ATG10: variants seen among roughly 807,000 people sequenced by gnomAD.
ATG10 encodes the protein autophagy related 10, also known as ubiquitin-like-conjugating enzyme ATG10.
A neutral mutation model predicts 32.1 loss-of-function variants in ATG10; 30 were observed. That is an observed-to-expected ratio of 0.94 (90% confidence interval 0.70 to 1.27). The LOEUF (loss-of-function observed/expected upper bound fraction) is 1.27. ATG10 is among the 50% of genes most tolerant of loss of function. The probability of loss-of-function intolerance (pLI) is 0.00; values close to 1 mark genes in which losing one functional copy is unlikely to be tolerated. For synonymous variants in ATG10, 87 were observed against 91.5 expected, an observed-to-expected ratio of 0.95 and a Z score of 0.28; for missense variants, 233 against 262.3, an observed-to-expected ratio of 0.89 and a Z score of 0.77.
intron 3 of ATG10, among the ~76,000 whole-genome samples, chr5:82,138,545 G>T (rs1207136454): frequency 1.3e-5 from 2 of 151,996 alleles, no homozygotes; most frequent in Non-Finnish European, 2.9e-5. Flanking sequence ...CCCTGTGTGG[G>T]CTGCACCCAC....
At chr5:82,143,446 G>C (rs1411124143) in intron 3 of ATG10, among the ~76,000 whole-genome samples, 1 of 152,246 alleles carries the variant, frequency 6.6e-6, no homozygotes, top group East Asian at 1.9e-4. Context: ...CAGTGTCTGT[G>C]GGCTGAGGAT....
chr5:82,044,812 T>G (rs534295807), intron 2 of ATG10, among the ~76,000 whole-genome samples: 2 of 152,322 alleles, frequency 1.3e-5, no homozygotes, highest in South Asian at 4.1e-4. Context: ...GCATACTTAT[T>G]TTTACTGTTT....
chr5:82,168,798 A>T (rs901315857), intron 4 of ATG10, among the ~76,000 whole-genome samples: 1 of 152,228 alleles, frequency 6.6e-6, no homozygotes, highest in Admixed American at 6.5e-5. Context: ...TTGGAATTAA[A>T]GCAGCATATA....
chr5:82,209,775 T>C (rs1380284162), intron 5 of ATG10, among the ~76,000 whole-genome samples: 1 of 152,168 alleles, frequency 6.6e-6, no homozygotes, highest in Non-Finnish European at 1.5e-5. Flanking sequence ...ATAGATTGCT[T>C]TTGCCCCAGT....
intron 3 of ATG10, among the ~76,000 whole-genome samples, chr5:82,157,210 G>A (rs1347039691): frequency 6.6e-6 from 1 of 152,120 alleles, no homozygotes. Flanking sequence ...TGATGTAGCA[G>A]GGAGAGTAAA....
chr5:82,142,047 G>T (rs1286018008), intron 3 of ATG10, among the ~76,000 whole-genome samples: 6 of 152,158 alleles, frequency 3.9e-5, no homozygotes, highest in Non-Finnish European at 8.8e-5. Flanking sequence ...AGTGAATGTA[G>T]CGTTACAGTG....
chr5:82,131,073 G>C (rs72776877), intron 3 of ATG10, among the ~76,000 whole-genome samples: 12,637 of 152,050 alleles, frequency 0.083, 802 homozygotes, highest in African/African-American at 0.18. Flanking sequence ...GGACTAGTAG[G>C]GGGTGGAAGG....
intron 3 of ATG10, among the ~76,000 whole-genome samples, chr5:82,095,437 G>A (rs1202358959): frequency 6.6e-6 from 1 of 152,066 alleles, no homozygotes; most frequent in East Asian, 1.9e-4. Context: ...AATAAGAATA[G>A]TTTTTACCAG....
chr5:82,247,667 C>G (rs1397496492), intron 5 of ATG10, among the ~76,000 whole-genome samples: 1 of 152,114 alleles, frequency 6.6e-6, no homozygotes, highest in African/African-American at 2.4e-5. Flanking sequence ...GAATTTTCCC[C>G]CTGGTATGAA....
intron 3 of ATG10, among the ~76,000 whole-genome samples, chr5:82,113,201 G>A (rs188992367): frequency 7.6e-4 from 115 of 151,890 alleles, no homozygotes; most frequent in African/African-American, 2.6e-3. Flanking sequence ...CCTCCAGAAC[G>A]TTTAGCACCA....
At chr5:82,177,622 C>T (rs1156912981) in intron 4 of ATG10, among the ~76,000 whole-genome samples, 1 of 151,980 alleles carries the variant, frequency 6.6e-6, no homozygotes, top group Non-Finnish European at 1.5e-5. Flanking sequence ...TAGGTGACTT[C>T]TTCTTTCTGC....
intron 1 of ATG10, among the ~76,000 whole-genome samples, chr5:81,979,497 C>T (rs1760972137): frequency 1.3e-5 from 2 of 152,054 alleles, no homozygotes; most frequent in Non-Finnish European, 2.9e-5. Flanking sequence ...CGCTGCACTC[C>T]AGCCTGGGCA....
intron 5 of ATG10, among the ~76,000 whole-genome samples, chr5:82,200,277 C>T (rs142708801): frequency 4.6e-4 from 70 of 151,782 alleles, no homozygotes; most frequent in Admixed American, 1.4e-3. Context: ...ATGTCTTTAC[C>T]GGCACCTGGT....
chr5:81,990,002 T>G (rs545177875), intron 2 of ATG10, among the ~76,000 whole-genome samples: 4 of 152,206 alleles, frequency 2.6e-5, no homozygotes, highest in Non-Finnish European at 5.9e-5. Context: ...ATTTCCGTAT[T>G]TGTTTTCATG....
chr5:82,234,448 A>T (rs1388893683), intron 5 of ATG10, among the ~76,000 whole-genome samples: 1 of 152,080 alleles, frequency 6.6e-6, no homozygotes, highest in Non-Finnish European at 1.5e-5. Context: ...CCTGCCCTAG[A>T]TTCGTACCTT....
intron 3 of ATG10, among the ~76,000 whole-genome samples, chr5:82,123,035 C>A (rs1227794991): frequency 1.3e-5 from 2 of 152,174 alleles, no homozygotes; most frequent in Admixed American, 6.5e-5. Context: ...ATAAATCATT[C>A]TACTATAAAG....
chr5:82,135,156 T>G (rs1766672679), intron 3 of ATG10, among the ~76,000 whole-genome samples: 1 of 152,300 alleles, frequency 6.6e-6, no homozygotes, highest in South Asian at 2.1e-4. Flanking sequence ...TCTATTTTGT[T>G]AATCTTTTCA....
At chr5:82,117,662 C>A (rs1765863272) in intron 3 of ATG10, among the ~76,000 whole-genome samples, 1 of 152,122 alleles carries the variant, frequency 6.6e-6, no homozygotes, top group Non-Finnish European at 1.5e-5. Context: ...CTGGCCAGGA[C>A]TCCAGAATCC....
intron 5 of ATG10, among the ~76,000 whole-genome samples, chr5:82,236,898 A>G (rs1451112516): frequency 6.6e-6 from 1 of 151,984 alleles, no homozygotes; most frequent in Non-Finnish European, 1.5e-5. Flanking sequence ...TTTCTTTCCC[A>G]CATATTTTTT....
Sources: allele counts gnomAD v4.1 joint callset (sites outside exome capture counted in the v4.1 genomes callset), GRCh38; gene constraint gnomAD v4.1.1; transcripts MANE v1.5; gene names NCBI Gene and HGNC (gene_info 2026-07-23, HGNC 2026-07-21).